The following MAST4 variants were observed in gnomAD, a reference collection of about 807,000 sequenced individuals.
The protein encoded by MAST4 is microtubule associated serine/threonine kinase family member 4.
A neutral mutation model predicts 162.7 loss-of-function variants in MAST4; 89 were observed. The observed-to-expected ratio is 0.55, with a 90% CI of 0.46 to 0.65. MAST4 has a LOEUF of 0.65. Among genes scored for constraint, MAST4 ranks in the 30% least tolerant of loss-of-function variants. MAST4 has a pLI of 0.00. For synonymous variants in MAST4, 1,479 were observed against 1,361.1 expected, an observed-to-expected ratio of 1.09 and a Z score of -1.91; for missense variants, 3,153 against 3,374.0, an observed-to-expected ratio of 0.93 and a Z score of 1.62.
intron 3 of MAST4, among the ~76,000 whole-genome samples, chr5:66,855,312 C>T (rs987141536): frequency 3.3e-5 from 5 of 152,306 alleles, no homozygotes; most frequent in Admixed American, 6.5e-5. Flanking sequence ...CTTCACCTTC[C>T]GCTATGATTA....
In MAST4 at chr5:67,165,871, C is replaced by G. The variant is rs752015578; in HGVS notation, c.6692C>G (p.Ser2231Cys). 25 of 1,613,220 alleles carry G rather than the reference C, an allele frequency of 1.5e-5. No homozygotes were observed. The highest frequency in any genetic ancestry group is 1.1e-4 in the East Asian group (5 of 44,894). The change falls in exon 29 of 29, where the codon TCC becomes TGC. Residue 2231 changes from serine (S) to cysteine (C), a missense_variant. Ser to Cys is a moderately radical substitution (Grantham distance 112). This residue lies in a region of MAST4 where 1,644 missense variants were observed against 1,495.0 expected (regional missense o/e 1.10). Coordinates refer to ENST00000403625, the MANE Select transcript of MAST4 (RefSeq NM_001164664.2). ...AAGGGCAAAGAGCCTGCCACTCAGT[C>G]CCTCGGTGGCTCTAGCAGAGAGGGG... ...ATKGKEPATQSLGGSSREGKG... is the reference protein window; with the variant it reads ...ATKGKEPATQCLGGSSREGKG...
intron 3 of MAST4, among the ~76,000 whole-genome samples, chr5:66,834,997 A>G (rs1757864164): frequency 6.6e-6 from 1 of 152,158 alleles, no homozygotes; most frequent in Non-Finnish European, 1.5e-5. Context: ...CTGGATTCCC[A>G]GGGGTCTGCC....
At chr5:66,914,026 T>C (rs922986897) in intron 4 of MAST4, among the ~76,000 whole-genome samples, 2 of 152,228 alleles carry the variant, frequency 1.3e-5, no homozygotes, top group African/African-American at 2.4e-5. Context: ...ATTATAGCTT[T>C]ATAATAAGTC....
intron 4 of MAST4, among the ~76,000 whole-genome samples, chr5:67,019,314 G>A (rs1435311181): frequency 6.6e-6 from 1 of 152,226 alleles, no homozygotes; most frequent in Non-Finnish European, 1.5e-5. Context: ...ATTGACACTA[G>A]TGAAGGGACC....
intron 3 of MAST4, among the ~76,000 whole-genome samples, chr5:66,855,610 T>C (rs1759623733): frequency 6.6e-6 from 1 of 152,028 alleles, no homozygotes; most frequent in African/African-American, 2.4e-5. Context: ...GCAATGCCAG[T>C]GTAAGGGTGC....
At chr5:67,007,799 ACT>A (rs1313909951) in intron 4 of MAST4, among the ~76,000 whole-genome samples, 1 of 152,118 alleles carries the variant, frequency 6.6e-6, no homozygotes, top group Non-Finnish European at 1.5e-5. Flanking sequence ...GTTAGTTTGT[ACT>A]CTCAGAGAAA....
chr5:67,132,195 T>C (rs1769060947), intron 16 of MAST4, among the ~76,000 whole-genome samples: 1 of 152,140 alleles, frequency 6.6e-6, no homozygotes, highest in African/African-American at 2.4e-5. Context: ...TTATTATACT[T>C]TAAGTTCTGG....
intron 4 of MAST4, among the ~76,000 whole-genome samples, chr5:67,047,818 G>A (rs1487725991): frequency 6.6e-6 from 1 of 152,124 alleles, no homozygotes; most frequent in Non-Finnish European, 1.5e-5. Context: ...TGTGACAAAG[G>A]CAGAGAACAG....
intron 2 of MAST4, among the ~76,000 whole-genome samples, chr5:66,773,618 T>C (rs1754456142): frequency 2.0e-5 from 3 of 152,200 alleles, no homozygotes; most frequent in Admixed American, 2.0e-4. Context: ...ATGATTAGGC[T>C]ATCCTAGGGC....
At chr5:66,708,737 A>G (rs1188445207) in intron 1 of MAST4, among the ~76,000 whole-genome samples, 5 of 152,190 alleles carry the variant, frequency 3.3e-5, no homozygotes, top group African/African-American at 1.2e-4. Context: ...AGTAGCCATT[A>G]ATCATTTAAA....
chr5:66,738,871 T>C (rs1236702692), intron 1 of MAST4, among the ~76,000 whole-genome samples: 7 of 152,230 alleles, frequency 4.6e-5, no homozygotes, highest in Non-Finnish European at 8.8e-5. Flanking sequence ...CATTGTTGTT[T>C]AAATTTTTGT....
intron 4 of MAST4, among the ~76,000 whole-genome samples, chr5:66,990,464 T>G (rs1749953965): frequency 6.6e-6 from 1 of 152,076 alleles, no homozygotes; most frequent in Non-Finnish European, 1.5e-5. Context: ...TAGGGAGACC[T>G]CGTCTCTACA....
chr5:66,837,061 C>CGTGTGTGTGTG (rs1554057338), intron 3 of MAST4, among the ~76,000 whole-genome samples: 1 of 79,084 alleles, frequency 1.3e-5, no homozygotes, highest in African/African-American at 5.9e-5. Flanking sequence ...TGTATGTATA[C>CGTGTGTGTGTG]TGTAGCCTAG....
At chr5:67,000,903 T>G (rs1751219011) in intron 4 of MAST4, among the ~76,000 whole-genome samples, 1 of 152,210 alleles carries the variant, frequency 6.6e-6, no homozygotes, top group Non-Finnish European at 1.5e-5. Flanking sequence ...AAGCTTGCAT[T>G]TCAGTAGGAT....
chr5:66,994,815 C>G (rs1362411644), intron 4 of MAST4, among the ~76,000 whole-genome samples: 3 of 151,806 alleles, frequency 2.0e-5, no homozygotes, highest in Non-Finnish European at 4.4e-5. Flanking sequence ...AAATGAAGAG[C>G]ATTATTTTTA....
intron 3 of MAST4, among the ~76,000 whole-genome samples, chr5:66,831,542 C>T (rs1298833744): frequency 6.6e-6 from 1 of 152,084 alleles, no homozygotes; most frequent in African/African-American, 2.4e-5. Context: ...AAACACGAGA[C>T]TATTAGTGGT....
chr5:66,678,313 T>A (rs1256569571), intron 1 of MAST4, among the ~76,000 whole-genome samples: 1 of 152,030 alleles, frequency 6.6e-6, no homozygotes, highest in Non-Finnish European at 1.5e-5. Context: ...TTAGGAAGGA[T>A]AAGTTCTGAA....
intron 1 of MAST4, among the ~76,000 whole-genome samples, chr5:66,718,265 G>A (rs10038785): frequency 7.0e-6 from 1 of 143,152 alleles, no homozygotes; most frequent in African/African-American, 2.6e-5. Context: ...TTGTTTTTTT[G>A]TTTTTTTGTT....
chr5:66,691,679 G>A (rs1749048852), intron 1 of MAST4, among the ~76,000 whole-genome samples: 1 of 152,132 alleles, frequency 6.6e-6, no homozygotes, highest in African/African-American at 2.4e-5. Flanking sequence ...TGGTGGAAGG[G>A]CAGGCAAGGG....
Sources: allele counts gnomAD v4.1 joint callset (sites outside exome capture counted in the v4.1 genomes callset), GRCh38; gene constraint gnomAD v4.1.1; regional missense constraint gnomAD v4.1.1; transcripts MANE v1.5; gene names NCBI Gene and HGNC (gene_info 2026-07-23, HGNC 2026-07-21).